Variants in BFSP2 observed in about 807,000 individuals in gnomAD.
BFSP2 encodes the protein beaded filament structural protein 2.
Under a neutral mutation model 44.9 loss-of-function variants are expected in BFSP2, and 38 were observed. The ratio of observed to expected loss-of-function variants is 0.85; its 90% CI spans 0.65 to 1.11. The LOEUF is 1.11. Among genes scored for constraint, BFSP2 ranks in the 50% least tolerant of loss-of-function variants. The pLI, the probability that BFSP2 is intolerant of heterozygous loss-of-function variation, is 0.00. For missense variants in BFSP2, 525 were observed against 533.0 expected (o/e 0.99, Z 0.15); for synonymous variants, 197 against 209.9 (o/e 0.94, Z 0.53).
chr3:133,466,396 C>T (rs1350400219), intron 4 of BFSP2, among the ~76,000 whole-genome samples: 1 of 151,704 alleles, frequency 6.6e-6, no homozygotes, highest in Non-Finnish European at 1.5e-5. Context: ...AAAGACATTT[C>T]CAGCCAGGCG....
intron 1 of BFSP2, among the ~76,000 whole-genome samples, chr3:133,412,775 G>A (rs556610066): frequency 6.6e-6 from 1 of 152,332 alleles, no homozygotes; most frequent in East Asian, 1.9e-4. Context: ...GGTGGTGAAA[G>A]GTGAATGTGG....
chr3:133,410,404 A>G, intron 1 of BFSP2: 1 of 306,696 alleles, frequency 3.3e-6, no homozygotes, highest in South Asian at 3.2e-5. Context: ...GAAAAATGTC[A>G]GCATGGATCA....
In BFSP2 at chr3:133,435,285, TA is replaced by T. The variant is rs1265205329; in HGVS notation, c.490-12030del. Among the ~76,000 whole-genome samples the T allele has an allele frequency of 4.6e-5, 7 of 152,342 alleles. No homozygotes were observed. The East Asian group carries it at 1.3e-3, about 29-fold the overall frequency. On this transcript the variant is annotated intron_variant, in intron 1 of 6. Transcript: ENST00000302334. Reference sequence around the variant, plus strand: ...TTAGCTAACTCTCAAAACACTCTTATAATAAGCAGATGTTGTCATTTTTTGC... The same window carrying T: ...TTAGCTAACTCTCAAAACACTCTTATATAAGCAGATGTTGTCATTTTTTGC...
At chr3:133,457,725 A>G (rs1039075923) in intron 4 of BFSP2, among the ~76,000 whole-genome samples, 1 of 152,350 alleles carries the variant, frequency 6.6e-6, no homozygotes, top group Non-Finnish European at 1.5e-5. Flanking sequence ...ATTCATTTAC[A>G]TATCATCTAT....
intron 1 of BFSP2, among the ~76,000 whole-genome samples, chr3:133,444,798 T>C (rs898162883): frequency 2.0e-5 from 3 of 152,078 alleles, no homozygotes; most frequent in African/African-American, 7.2e-5. Flanking sequence ...CCACCATCAT[T>C]AATAAAATGG....
chr3:133,428,869 C>T (rs935494569), intron 1 of BFSP2, among the ~76,000 whole-genome samples: 1 of 152,214 alleles, frequency 6.6e-6, no homozygotes, highest in Admixed American at 6.5e-5. Context: ...CTGTGTCTGT[C>T]AGGGTCCCAA....
At chr3:133,447,507 A>C (rs932667983) in intron 2 of BFSP2, 108 bp downstream of exon 2, 173 of 1,157,406 alleles carry the variant, frequency 1.5e-4, no homozygotes, top group Middle Eastern at 4.2e-4. Context: ...ACCTCAGGGG[A>C]AGCTGGCAGG....
intron 4 of BFSP2, chr3:133,455,782 C>G (rs1393609320): frequency 6.6e-6 from 1 of 152,550 alleles, no homozygotes; most frequent in Non-Finnish European, 1.5e-5. Context: ...CTCAGCCCAC[C>G]TCCTGTAGGG....
intron 1 of BFSP2, among the ~76,000 whole-genome samples, chr3:133,425,890 G>T: frequency 9.1e-6 from 1 of 110,478 alleles, no homozygotes; most frequent in African/African-American, 3.4e-5. Flanking sequence ...GGGAAGGGAA[G>T]GCAAGGGAAA....
In BFSP2 at chr3:133,448,639, T is replaced by A. The variant is rs749153171; in HGVS notation, c.723T>A (p.Tyr241Ter). Residue 241 changes from tyrosine to a stop codon, truncating the protein, a stop_gained, in exon 3 of 7, where the codon TAT (tyrosine) becomes TAA (stop). Transcript: ENST00000302334. LOFTEE classifies it high-confidence loss of function. ...KEELGSLSRN[Y>*]EEDVKLLHKQ... ...AACTTGGCTCTCTATCAAGAAACTA[T>A]GAAGAGGTAGGAGGGGGCTGGGGTT... 3.1e-6 allele frequency: 5 copies of A among 1,613,486 alleles called. No homozygotes were observed. The highest frequency in any genetic ancestry group is 4.2e-6 in the Non-Finnish European group (5 of 1,179,942).
chr3:133,445,613 C>T (rs539673033), intron 1 of BFSP2: 9 of 152,216 alleles, frequency 5.9e-5, no homozygotes, highest in East Asian at 3.9e-4. Context: ...TAGATGATTG[C>T]GTTTATACTG....
intron 1 of BFSP2, among the ~76,000 whole-genome samples, chr3:133,430,726 C>T (rs889986169): frequency 1.4e-4 from 21 of 152,104 alleles, no homozygotes; most frequent in Admixed American, 7.9e-4. Context: ...CTTTCCCTCC[C>T]GCCTGTCCCC....
At chr3:133,410,704 G>T in intron 1 of BFSP2, 1 of 252,550 alleles carries the variant, frequency 4.0e-6, no homozygotes, top group Non-Finnish European at 8.2e-6. Context: ...TCCGTGGGCG[G>T]ACAGGAGTCT....
chr3:133,461,322 G>A (rs1276932077), intron 4 of BFSP2, among the ~76,000 whole-genome samples: 1 of 152,108 alleles, frequency 6.6e-6, no homozygotes, highest in Non-Finnish European at 1.5e-5. Context: ...TGAAATTTTT[G>A]AAATTTGAAA....
intron 1 of BFSP2, among the ~76,000 whole-genome samples, chr3:133,436,551 T>C (rs914950002): frequency 1.3e-5 from 2 of 152,142 alleles, no homozygotes; most frequent in Non-Finnish European, 2.9e-5. Flanking sequence ...AGCATTTGGG[T>C]TTGACTTGTT....
At chr3:133,411,531 GCAAA>G (rs898113030) in intron 1 of BFSP2, among the ~76,000 whole-genome samples, 17 of 152,022 alleles carry the variant, frequency 1.1e-4, no homozygotes, top group African/African-American at 3.1e-4. Flanking sequence ...AAGTAGTCTT[GCAAA>G]CAAACAAAAA....
At chr3:133,438,585 G>A (rs1424153826) in intron 1 of BFSP2, among the ~76,000 whole-genome samples, 3 of 152,082 alleles carry the variant, frequency 2.0e-5, no homozygotes, top group African/African-American at 7.2e-5. Flanking sequence ...CTGACAGCAG[G>A]GTGCGGGGAG....
In BFSP2 at chr3:133,475,007, C is replaced by CTTT; in HGVS notation, c.*35_*36insTTT. ...TTCCTCTTTTTCATGAAGAAAACAC[C>CTTT]CTTCCTCAACAGCTGACCCAAGAAG... On this transcript the variant is annotated 3_prime_UTR_variant, in exon 7 of 7. Coordinates refer to ENST00000302334, the MANE Select transcript of BFSP2 (RefSeq NM_003571.4). The CTTT allele has an allele frequency of 6.2e-7, 1 of 1,613,246 alleles. No homozygotes were observed. The highest frequency in any genetic ancestry group is 8.5e-7 in the Non-Finnish European group (1 of 1,179,222).
chr3:133,434,990 A>G (rs1360289719), intron 1 of BFSP2, among the ~76,000 whole-genome samples: 1 of 152,226 alleles, frequency 6.6e-6, no homozygotes, highest in Non-Finnish European at 1.5e-5. Flanking sequence ...ATCCCTAAAG[A>G]ACTGAGGGCC....
Sources: gnomAD v4.1 joint callset for allele counts (sites outside exome capture counted in the v4.1 genomes callset) on GRCh38, gnomAD v4.1.1 for gene constraint, MANE v1.5 for transcripts, NCBI Gene and HGNC (gene_info 2026-07-23, HGNC 2026-07-21) for gene names.